SFXN1: variants seen among roughly 807,000 people sequenced by gnomAD.
SFXN1 encodes sideroflexin 1, also known as sideroflexin-1.
SFXN1 carries 32 observed loss-of-function variants against 39.5 expected under a neutral mutation model. That is an observed-to-expected ratio of 0.81 (90% confidence interval 0.61 to 1.09). SFXN1 has a LOEUF of 1.09. Ranked by LOEUF, SFXN1 falls within the 50% of genes least tolerant of loss-of-function variation. The pLI is 0.00. For synonymous variants in SFXN1, 136 were observed against 146.5 expected (o/e 0.93, Z 0.52); for missense variants, 402 against 407.1 (o/e 0.99, Z 0.11).
At position 175,524,122 on chromosome 5, in the gene SFXN1, AAAAATATATATAT is replaced by A. The variant is rs1453491740; in HGVS notation, c.872+1702_872+1714del. 6 of 30,454 alleles carry A rather than the reference AAAAATATATATAT, an allele frequency of 2.0e-4. No individual in the cohort carries two copies. The East Asian group carries it at 3.1e-3, about 16-fold the overall frequency. The allele number at this position is 30,454 out of a possible 1,614,324, so 1.9% of individuals were successfully genotyped here. On this transcript the variant is annotated intron_variant, in intron 10 of 10. Transcript: ENST00000321442. ...CTGTCTCAAAAAAAAAAAAAAAAAAAAAAATATATATATATATATATATATATATATATATATA... is the reference window on the plus strand; with the variant it reads ...CTGTCTCAAAAAAAAAAAAAAAAAAAATATATATATATATATATATATATA...
chr5:175,489,885 T>A (rs1759594502), intron 1 of SFXN1, among the ~76,000 whole-genome samples: 1 of 152,182 alleles, frequency 6.6e-6, no homozygotes, highest in Non-Finnish European at 1.5e-5. Flanking sequence ...CGCACCCTTC[T>A]CTACCCTCCT....
chr5:175,508,009 TTTTC>T (rs1466898247), intron 2 of SFXN1, among the ~76,000 whole-genome samples: 4 of 151,844 alleles, frequency 2.6e-5, no homozygotes, highest in Admixed American at 1.3e-4. Context: ...CTGAACTAGC[TTTTC>T]ATTCTATAGG....
chr5:175,519,105 G>T (rs1760802458), intron 8 of SFXN1, among the ~76,000 whole-genome samples: 1 of 152,188 alleles, frequency 6.6e-6, no homozygotes, highest in South Asian at 2.1e-4. Context: ...CCTAAAAAAT[G>T]CTTAGTGTCT....
At chr5:175,490,335 C>G (rs768606999) in intron 1 of SFXN1, among the ~76,000 whole-genome samples, 23 of 152,190 alleles carry the variant, frequency 1.5e-4, no homozygotes, top group Non-Finnish European at 3.2e-4. Flanking sequence ...CTGGGCTTCT[C>G]TGTGTTTGTT....
intron 8 of SFXN1, among the ~76,000 whole-genome samples, chr5:175,519,505 G>A (rs532598096): frequency 6.6e-6 from 1 of 152,284 alleles, no homozygotes; most frequent in Admixed American, 6.5e-5. Flanking sequence ...GCAATAAAAA[G>A]TAACAAACTA....
chr5:175,479,050 C>G (rs1218739499), intron 1 of SFXN1, among the ~76,000 whole-genome samples: 4 of 152,232 alleles, frequency 2.6e-5, no homozygotes, highest in Admixed American at 2.6e-4. Flanking sequence ...TGGCCCAGCG[C>G]TCCGCGCTCT....
chr5:175,492,588 C>G (rs1158192832), intron 2 of SFXN1: 1 of 204,386 alleles, frequency 4.9e-6, no homozygotes, highest in Non-Finnish European at 9.8e-6. Context: ...TCCACAACCC[C>G]TCCGTGCATT....
intron 2 of SFXN1, among the ~76,000 whole-genome samples, chr5:175,502,522 A>G (rs1261340054): frequency 3.3e-5 from 5 of 152,224 alleles, no homozygotes; most frequent in Non-Finnish European, 7.3e-5. Context: ...AAGCAGTTTC[A>G]GAATAACTAA....
At chr5:175,512,225 A>G (rs1345360692) in intron 6 of SFXN1, 29 bp downstream of exon 6, 1 of 1,588,488 alleles carries the variant, frequency 6.3e-7, no homozygotes, top group South Asian at 1.1e-5. Context: ...CTTAGTAGGG[A>G]CATGTGCTTG....
chr5:175,494,700 C>G lies in SFXN1; in HGVS notation c.164+2433C>G, dbSNP rs534610309. Among the ~76,000 whole-genome samples, 15 of 150,900 alleles carry G rather than the reference C, an allele frequency of 9.9e-5. No individual in the cohort carries two copies. In the South Asian group the frequency reaches 3.1e-3, roughly 32 times the overall value. On this transcript the variant is annotated intron_variant, in intron 2 of 10. Transcript: ENST00000321442. ...CTGGGAGGCAGAGGTTGCAGTGAGC[C>G]GAGATCATGCCACTGCACTCCAGCC...
rs573940284 is a variant in SFXN1 at position 175,515,688 on chromosome 5, C to T, written c.725-926C>T. On this transcript the variant is annotated intron_variant, in intron 7 of 10. Coordinates refer to ENST00000321442, the MANE Select transcript of SFXN1 (RefSeq NM_022754.7). ...CCAGCTAGCAAGTGGTCTAGCCCAGCGGTCCCAAACCTTTTTAGCACCAGG... is the reference window on the plus strand; with the variant it reads ...CCAGCTAGCAAGTGGTCTAGCCCAGTGGTCCCAAACCTTTTTAGCACCAGG... Among the ~76,000 whole-genome samples the T allele has an allele frequency of 5.3e-5, 8 of 152,298 alleles. No homozygotes were observed. In the East Asian group the frequency reaches 5.8e-4, roughly 11 times the overall value.
At chr5:175,518,477 G>A (rs1760781010) in intron 8 of SFXN1, among the ~76,000 whole-genome samples, 1 of 152,184 alleles carries the variant, frequency 6.6e-6, no homozygotes, top group Admixed American at 6.5e-5. Context: ...CCTGATCTCA[G>A]GGAGCATGTA....
intron 2 of SFXN1, among the ~76,000 whole-genome samples, chr5:175,504,444 G>A (rs899957601): frequency 5.3e-5 from 8 of 151,266 alleles, no homozygotes; most frequent in African/African-American, 1.2e-4. Flanking sequence ...GCGTGGTGGC[G>A]CACACCTGTA....
intron 8 of SFXN1, among the ~76,000 whole-genome samples, chr5:175,519,312 A>G (rs1411994733): frequency 1.3e-5 from 2 of 152,252 alleles, no homozygotes; most frequent in Non-Finnish European, 2.9e-5. Flanking sequence ...AAAGTTAAAC[A>G]GATGCTGCCC....
rs140942478 is a variant in SFXN1, at chr5:175,511,494, G to A, written c.478G>A (p.Ala160Thr). ...CGTTTCTGCAACAACTGGTGCCGTA[G>A]CAACAGCTCTAGGACTCAATGCATT... The part of the protein sequence containing the change: ...AYVSATTGAV[A>T]TALGLNALTK... The change falls in exon 5 of 11, where the codon GCA becomes ACA. Residue 160 changes from alanine to threonine, a missense_variant. Ala to Thr is a moderately conservative substitution (Grantham distance 58, BLOSUM62 0). Transcript: ENST00000321442. 16 of 1,614,024 alleles carry A rather than the reference G, an allele frequency of 9.9e-6. No homozygotes were observed. The highest frequency in any genetic ancestry group is 1.1e-5 in the Non-Finnish European group (13 of 1,180,014).
intron 2 of SFXN1, 50 bp from the exon 3 acceptor site, chr5:175,508,982 G>C (rs1760412637): frequency 6.5e-7 from 1 of 1,540,970 alleles, no homozygotes; most frequent in African/African-American, 1.4e-5. Flanking sequence ...CTAGGACACT[G>C]GGGAGATATT....
At chr5:175,514,431 A>G (rs1344213904) in intron 7 of SFXN1, among the ~76,000 whole-genome samples, 1 of 152,200 alleles carries the variant, frequency 6.6e-6, no homozygotes, top group Admixed American at 6.5e-5. Context: ...CCTTCAGACC[A>G]GGGGCCTAAA....
chr5:175,490,859 A>AG (rs200768257), intron 1 of SFXN1, among the ~76,000 whole-genome samples: 1 of 152,178 alleles, frequency 6.6e-6, no homozygotes, highest in African/African-American at 2.4e-5. Flanking sequence ...TGCAAAAAAA[A>AG]CAAGATCTTA....
At chr5:175,487,737 C>G (rs939437487) in intron 1 of SFXN1, among the ~76,000 whole-genome samples, 18 of 152,212 alleles carry the variant, frequency 1.2e-4, no homozygotes, top group Non-Finnish European at 4.4e-5. Context: ...CCTACTTACT[C>G]TGCTGCCCGC....
Sources: allele counts gnomAD v4.1 joint callset (sites outside exome capture counted in the v4.1 genomes callset), GRCh38; gene constraint gnomAD v4.1.1; transcripts MANE v1.5; gene names NCBI Gene and HGNC (gene_info 2026-07-23, HGNC 2026-07-21).